UNC5C: variants seen among roughly 807,000 people sequenced by gnomAD.
UNC5C encodes unc-5 netrin receptor C.
In UNC5C, 47 loss-of-function variants were observed where a neutral mutation model predicts 99.8. The observed-to-expected ratio is 0.47, with a 90% confidence interval of 0.37 to 0.60. The LOEUF is 0.60. Ranked by LOEUF, UNC5C falls within the 20% of genes least tolerant of loss-of-function variation. The pLI is 0.00. For missense variants in UNC5C, 1,062 were observed against 1,165.9 expected (o/e 0.91, Z 1.30); for synonymous variants, 487 against 452.2 (o/e 1.08, Z -0.98).
chr4:95,216,954 A>G (rs904461617), intron 9 of UNC5C, among the ~76,000 whole-genome samples: 1 of 152,162 alleles, frequency 6.6e-6, no homozygotes, highest in Non-Finnish European at 1.5e-5. Flanking sequence ...TTTTAGTTCA[A>G]CCAGTTGCCA....
In UNC5C at chr4:95,169,238, T is replaced by C; in HGVS notation, c.2792A>G (p.Tyr931Cys). 1.2e-6 allele frequency: 2 copies of C among 1,614,122 alleles called. No individual in the cohort carries two copies. Among genetic ancestry groups the C allele is most frequent in the South Asian group, 2.2e-5 (2 of 91,052 alleles). ...TTTCCCCTTCCAGCATGGTGGTTAA[T>C]ACTGCCCTTCTGCTGCTAAGGACAC... is the stretch of plus-strand genomic sequence containing the variant. ...TVVSLAAEGQ[Y>C] The change falls in exon 16 of 16, where the codon TAT becomes TGT. Residue 931 changes from tyrosine to cysteine, a missense_variant. Physicochemically the swap from Tyr to Cys is radical, Grantham distance 194. Transcript: ENST00000453304.
At position 95,163,858 on chromosome 4, in the gene UNC5C, C is replaced by CT. The variant is rs1342914610; in HGVS notation, c.*5375dup. 3 of 152,168 alleles carry CT rather than the reference C, an allele frequency of 2.0e-5. No individual in the cohort carries two copies. The highest frequency in any genetic ancestry group is 4.4e-5 in the Non-Finnish European group (3 of 68,042). The allele number at this position is 152,168 out of a possible 1,614,324, so 9.4% of individuals were successfully genotyped here. A position where few individuals can be genotyped will look rare whatever the true frequency, so the allele number is the denominator to read the frequency against. On this transcript the variant is annotated 3_prime_UTR_variant, in exon 16 of 16. Transcript: ENST00000453304. ...ACAGGTCCCTTCAGTAGGCAAGCGTCTGAGTAGACAGCAGGCTGATGAAGA... is the reference window on the plus strand; with the variant it reads ...ACAGGTCCCTTCAGTAGGCAAGCGTCTTGAGTAGACAGCAGGCTGATGAAGA...
intron 1 of UNC5C, among the ~76,000 whole-genome samples, chr4:95,420,320 T>G (rs987998000): frequency 7.9e-5 from 12 of 152,180 alleles, no homozygotes; most frequent in African/African-American, 2.9e-4. Context: ...TTTAGTCTAC[T>G]GTGTAAGCAA....
intron 1 of UNC5C, among the ~76,000 whole-genome samples, chr4:95,507,883 G>A (rs1264846297): frequency 6.6e-6 from 1 of 151,956 alleles, no homozygotes; most frequent in Non-Finnish European, 1.5e-5. Flanking sequence ...AACGCATACA[G>A]GGAACTCCAC....
chr4:95,203,719 C>T lies in UNC5C; in HGVS notation c.1903-755G>A, dbSNP rs566399478. On this transcript the variant is annotated intron_variant, in intron 11 of 15. Coordinates refer to ENST00000453304, the MANE Select transcript of UNC5C (RefSeq NM_003728.4). ...GCTGAAGCGACCCACTTGCCTTGGC[C>T]TCCCAAAGCGCTGGGATTACAGGTG... 1.6e-4 allele frequency among the ~76,000 whole-genome samples: 24 copies of T among 152,310 alleles called. No homozygotes were observed. In the South Asian group the frequency reaches 4.6e-3, roughly 29 times the overall value.
intron 2 of UNC5C, among the ~76,000 whole-genome samples, chr4:95,305,084 C>G (rs1478287983): frequency 6.6e-6 from 1 of 152,186 alleles, no homozygotes; most frequent in Non-Finnish European, 1.5e-5. Context: ...GAGTCAAGCA[C>G]ACACTGATTT....
At chr4:95,547,984 C>A (rs1220950270) in intron 1 of UNC5C, among the ~76,000 whole-genome samples, 2 of 152,200 alleles carry the variant, frequency 1.3e-5, no homozygotes, top group African/African-American at 4.8e-5. Flanking sequence ...TCGACTACCC[C>A]GGGGAGTTTC....
chr4:95,466,849 A>G (rs1747795700), intron 1 of UNC5C, among the ~76,000 whole-genome samples: 1 of 152,180 alleles, frequency 6.6e-6, no homozygotes, highest in Admixed American at 6.5e-5. Flanking sequence ...TCATTTAGCC[A>G]TTCAAGAGGT....
At chr4:95,311,572 C>A (rs1742278077) in intron 2 of UNC5C, among the ~76,000 whole-genome samples, 1 of 152,082 alleles carries the variant, frequency 6.6e-6, no homozygotes, top group Non-Finnish European at 1.5e-5. Flanking sequence ...CAAAATGATG[C>A]CTGTTAACGA....
chr4:95,293,254 C>A (rs1741547137), intron 3 of UNC5C, among the ~76,000 whole-genome samples: 1 of 148,902 alleles, frequency 6.7e-6, no homozygotes, highest in South Asian at 2.1e-4. Context: ...AGGCAGGAAG[C>A]CAAGGTCTGT....
intron 1 of UNC5C, among the ~76,000 whole-genome samples, chr4:95,391,533 G>A (rs1413207847): frequency 6.6e-6 from 1 of 152,060 alleles, no homozygotes; most frequent in Non-Finnish European, 1.5e-5. Flanking sequence ...TAGAAAATCA[G>A]ATATCTGTCA....
At chr4:95,418,212 C>T (rs1195022240) in intron 1 of UNC5C, among the ~76,000 whole-genome samples, 1 of 152,252 alleles carries the variant, frequency 6.6e-6, no homozygotes, top group African/African-American at 2.4e-5. Flanking sequence ...CATATTTTCA[C>T]AGCCTTAGTC....
At chr4:95,451,020 C>G (rs1747265661) in intron 1 of UNC5C, among the ~76,000 whole-genome samples, 1 of 152,160 alleles carries the variant, frequency 6.6e-6, no homozygotes, top group Non-Finnish European at 1.5e-5. Context: ...TAAAGGTATT[C>G]ATACTGATTC....
chr4:95,335,315 T>G (rs1743289526), intron 2 of UNC5C, 95 bp downstream of exon 2: 1 of 1,180,354 alleles, frequency 8.5e-7, no homozygotes, highest in Admixed American at 2.5e-5. Flanking sequence ...TAACTCCATT[T>G]TCCATTCCAC....
At chr4:95,379,593 G>A (rs1331944512) in intron 1 of UNC5C, among the ~76,000 whole-genome samples, 1 of 152,144 alleles carries the variant, frequency 6.6e-6, no homozygotes, top group Non-Finnish European at 1.5e-5. Context: ...GTGTTTTTAG[G>A]AAATATCCCC....
At chr4:95,412,144 A>C (rs1391989972) in intron 1 of UNC5C, among the ~76,000 whole-genome samples, 1 of 151,318 alleles carries the variant, frequency 6.6e-6, no homozygotes, top group Non-Finnish European at 1.5e-5. Context: ...CTTCCTCAAC[A>C]CTCACATTCA....
chr4:95,178,948 G>T (rs527962798), intron 14 of UNC5C, among the ~76,000 whole-genome samples: 1 of 152,062 alleles, frequency 6.6e-6, no homozygotes, highest in Non-Finnish European at 1.5e-5. Context: ...AGTAAAATAC[G>T]TTTATACATT....
At chr4:95,337,174 GAAGTTAGCTGTT>G (rs918134221) in intron 1 of UNC5C, among the ~76,000 whole-genome samples, 1 of 151,890 alleles carries the variant, frequency 6.6e-6, no homozygotes, top group Non-Finnish European at 1.5e-5. Context: ...AAATTCTATA[GAAGTTAGCTGTT>G]GGTTTTAATT....
At chr4:95,387,822 T>TGTAA (rs1745253157) in intron 1 of UNC5C, among the ~76,000 whole-genome samples, 1 of 152,310 alleles carries the variant, frequency 6.6e-6, no homozygotes, top group Admixed American at 6.5e-5. Flanking sequence ...CCTGATTATT[T>TGTAA]TAAGCTGTTC....
Sources: gnomAD v4.1 joint callset for allele counts (sites outside exome capture counted in the v4.1 genomes callset) on GRCh38, gnomAD v4.1.1 for gene constraint, MANE v1.5 for transcripts, NCBI Gene and HGNC (gene_info 2026-07-23, HGNC 2026-07-21) for gene names.